Variants in ATP11C observed in about 807,000 individuals in gnomAD.
ATP11C encodes the protein phospholipid-transporting ATPase IG.
ATP11C carries 36 observed loss-of-function variants against 97.4 expected under a neutral mutation model. That is an observed-to-expected ratio of 0.37 (90% CI 0.28 to 0.49). ATP11C has a LOEUF of 0.49. Ranked by LOEUF, ATP11C falls within the 20% of genes least tolerant of loss-of-function variation. The pLI is 0.98. For missense variants in ATP11C, 730 were observed against 824.6 expected, an observed-to-expected ratio of 0.89 and a Z score of 1.40; for synonymous variants, 275 against 290.9, an observed-to-expected ratio of 0.95 and a Z score of 0.56.
chrX:139,928,156 G>A (rs964914655), intron 1 of ATP11C, among the ~76,000 whole-genome samples: 14 of 111,011 alleles, frequency 1.3e-4, no homozygotes, highest in African/African-American at 4.6e-4. Context: ...AGACTAGGGA[G>A]CCATACAAGT....
intron 18 of ATP11C, among the ~76,000 whole-genome samples, chrX:139,780,633 C>T (rs1307355600): frequency 2.7e-5 from 3 of 111,283 alleles, no homozygotes; most frequent in East Asian, 5.7e-4. Context: ...ATGCATTTCC[C>T]CTAAAAACTG....
intron 1 of ATP11C, among the ~76,000 whole-genome samples, chrX:139,870,280 C>T (rs1169490506): frequency 8.9e-6 from 1 of 112,025 alleles, no homozygotes; most frequent in African/African-American, 3.2e-5. Context: ...GAAGTAAATA[C>T]AGTACATTGG....
chrX:139,792,376 T>C (rs68165137), intron 12 of ATP11C, among the ~76,000 whole-genome samples: 5,512 of 110,897 alleles, frequency 0.05, 240 homozygotes, highest in East Asian at 0.29. Context: ...TAAACATGAC[T>C]GTTTCCCTGA....
At position 139,774,739 on chromosome X, in the gene ATP11C, G is replaced by A. The variant is rs1042049467; in HGVS notation, c.2167C>T (p.Arg723Cys). 5.0e-6 allele frequency: 6 copies of A among 1,208,182 alleles called. No homozygotes were observed. In the African/African-American group the frequency reaches 5.2e-5, roughly 11 times the overall value. ...GGAAACTCATGCAGCAATTTCTTGC[G>A]ATATTCTATCAATAATTCATGTAAT... ...DRLHELLIEY[R>C]KKLLHEFPKS... Residue 723 changes from arginine (R) to cysteine (C), a missense_variant, in exon 19 of 30, where the codon CGC becomes TGC. Physicochemically the swap from Arg to Cys is radical, Grantham distance 180. Transcript: ENST00000682941.
At chrX:139,853,464 G>C (rs747240429) in intron 1 of ATP11C, among the ~76,000 whole-genome samples, 11 of 110,738 alleles carry the variant, frequency 9.9e-5, no homozygotes, top group South Asian at 3.9e-4. Context: ...AAGATTGAGA[G>C]AAACAAAGTC....
At chrX:139,761,681 C>T (rs752525562) in intron 22 of ATP11C, among the ~76,000 whole-genome samples, 68 of 110,957 alleles carry the variant, frequency 6.1e-4, no homozygotes, top group Admixed American at 1.2e-3. Flanking sequence ...ATACATTTGG[C>T]AAAACTCATG....
At chrX:139,741,229 G>A (rs975141274) in intron 26 of ATP11C, 135 bp from the exon 27 acceptor site, 2 of 448,632 alleles carry the variant, frequency 4.5e-6, no homozygotes, top group Non-Finnish European at 4.0e-6. Flanking sequence ...GAGAAGAGGG[G>A]AACTAAACAG....
intron 1 of ATP11C, among the ~76,000 whole-genome samples, chrX:139,847,109 G>A (rs2083920193): frequency 9.0e-6 from 1 of 110,764 alleles, no homozygotes; most frequent in African/African-American, 3.3e-5. Flanking sequence ...CCTGGGCCAG[G>A]CGCAGTGGCT....
intron 1 of ATP11C, among the ~76,000 whole-genome samples, chrX:139,862,211 T>C (rs1187618020): frequency 9.9e-6 from 1 of 100,758 alleles, no homozygotes; most frequent in Non-Finnish European, 2.1e-5. Flanking sequence ...GAGACTCCAC[T>C]CTCCTTCCCC....
chrX:139,753,013 T>C lies in ATP11C; in HGVS notation c.2701-2861A>G, dbSNP rs188585363. ...TGAGAAGAATGCATTCTCTTAAAAA[T>C]ACTGCCAAAGAGACTTCAACACCCT... On this transcript the variant is annotated intron_variant, in intron 23 of 29. Coordinates refer to ENST00000682941, the MANE Select transcript of ATP11C (RefSeq NM_001353812.2). Among the ~76,000 whole-genome samples, 10 of 111,616 alleles carry C rather than the reference T, an allele frequency of 9.0e-5. No homozygotes were observed. In the East Asian group the frequency reaches 2.5e-3, roughly 28 times the overall value.
chrX:139,936,730 C>A (rs2085516203), upstream of ATP11C, among the ~76,000 whole-genome samples: 1 of 110,835 alleles, frequency 9.0e-6, no homozygotes. Flanking sequence ...CTACCTCAAC[C>A]CCTCAGAAAT....
At chrX:139,849,201 C>T (rs1302201172) in intron 1 of ATP11C, among the ~76,000 whole-genome samples, 1 of 111,613 alleles carries the variant, frequency 9.0e-6, no homozygotes, top group East Asian at 2.8e-4. Flanking sequence ...TCAAGACTCA[C>T]AAAGAGCCTC....
Position 139,783,112 on chromosome X carries a change from T to C in ATP11C, c.1770+52A>G, listed in dbSNP as rs753890918. 4 of 856,148 alleles carry C rather than the reference T, an allele frequency of 4.7e-6. 1 individual carries two copies. The South Asian group carries it at 1.1e-4, about 23-fold the overall frequency. The allele number at this position is 856,148 out of a possible 1,213,427, so 70.6% of individuals were successfully genotyped here. A position where few individuals can be genotyped will look rare whatever the true frequency, so the allele number is the denominator to read the frequency against. ...AACAGAAATCCAATAAACATAGTCA[T>C]TTTCAACATTTCTCTGCTTACTTAT... On this transcript the variant is annotated intron_variant, in intron 17 of 29. Transcript: ENST00000682941.
intron 5 of ATP11C, among the ~76,000 whole-genome samples, chrX:139,811,262 A>G (rs1279405544): frequency 1.8e-5 from 2 of 111,523 alleles, no homozygotes; most frequent in Non-Finnish European, 3.8e-5. Context: ...ATGAAATTCC[A>G]TCCAGTCTCA....
chrX:139,789,324 C>G lies in ATP11C; in HGVS notation c.1368+3G>C. ...CTTATATAAAACAATAATGCAAATG[C>G]ACCTTATCTACTTTGTCAAAATATG... On this transcript the variant is annotated splice_donor_region_variant and intron_variant, in intron 13 of 29. Coordinates refer to ENST00000682941, the MANE Select transcript of ATP11C (RefSeq NM_001353812.2). 8.4e-7 allele frequency: 1 copy of G among 1,191,284 alleles called. No individual in the cohort carries two copies. The highest frequency in any genetic ancestry group is 1.1e-6 in the Non-Finnish European group (1 of 882,977).
At position 139,774,905 on chromosome X, in the gene ATP11C, G is replaced by A. The variant is rs1408117435; in HGVS notation, c.2001C>T (p.Gly667=). 2.5e-6 allele frequency: 3 copies of A among 1,211,374 alleles called. No homozygotes were observed. The highest frequency in any genetic ancestry group is 2.2e-5 in the Admixed American group (1 of 46,020). ...AETIEALHAA[G]LKVWVLTGDK... ...CCCCAGTGAGCACCCAGACTTTCAG[G>A]CCTGCTGCATGCAGAGCTTCAATGG... The change falls in exon 19 of 30, where the codon GGC becomes GGT. Residue 667 remains glycine (G), a synonymous_variant. Coordinates refer to ENST00000682941, the MANE Select transcript of ATP11C (RefSeq NM_001353812.2).
intron 16 of ATP11C, among the ~76,000 whole-genome samples, chrX:139,784,614 A>ATGG (rs1024900741): frequency 6.3e-5 from 7 of 111,358 alleles, no homozygotes; most frequent in African/African-American, 2.0e-4. Context: ...GCAAACCACC[A>ATGG]TGGTGCCTCC....
chrX:139,761,053 G>C (rs754774374), intron 22 of ATP11C, among the ~76,000 whole-genome samples: 3 of 110,982 alleles, frequency 2.7e-5, no homozygotes, highest in East Asian at 2.9e-4. Flanking sequence ...AGAGGCTGAG[G>C]GGGGCAGATC....
intron 22 of ATP11C, among the ~76,000 whole-genome samples, chrX:139,758,877 A>T (rs1339027809): frequency 1.8e-5 from 2 of 111,674 alleles, no homozygotes; most frequent in Non-Finnish European, 3.8e-5. Context: ...GTTTTTAAAA[A>T]TCAAATGCAA....
Sources: allele counts gnomAD v4.1 joint callset (sites outside exome capture counted in the v4.1 genomes callset), GRCh38; gene constraint gnomAD v4.1.1; transcripts MANE v1.5; gene names NCBI Gene and HGNC (gene_info 2026-07-23, HGNC 2026-07-21).